Variants in BBS5 observed in about 807,000 individuals in gnomAD.
BBS5 encodes the protein Bardet-Biedl syndrome 5.
Under a neutral mutation model 50.2 loss-of-function variants are expected in BBS5, and 39 were observed. The observed-to-expected ratio is 0.78, with a 90% CI of 0.60 to 1.01. BBS5 has a LOEUF of 1.01. Among genes scored for constraint, BBS5 ranks in the 50% least tolerant of loss-of-function variants. The pLI, the probability that BBS5 is intolerant of heterozygous loss-of-function variation, is 0.00. For missense variants in BBS5, 356 were observed against 401.5 expected, an observed-to-expected ratio of 0.89 and a Z score of 0.97; for synonymous variants, 134 against 133.1, an observed-to-expected ratio of 1.01 and a Z score of -0.05.
intron 10 of BBS5, 51 bp downstream of exon 10, chr2:169,503,229 CTTGT>C (rs749899727): frequency 2.1e-6 from 3 of 1,416,722 alleles, no homozygotes; most frequent in African/African-American, 2.8e-5. Context: ...TTATCTCAGT[CTTGT>C]TTAATAAAAT....
chr2:169,498,758 G>A (rs1308214406), intron 8 of BBS5, among the ~76,000 whole-genome samples: 1 of 147,936 alleles, frequency 6.8e-6, no homozygotes, highest in Admixed American at 6.8e-5. Context: ...AGTGAGCCGA[G>A]ATCGCGCCGC....
At chr2:169,483,035 T>A (rs1683427871) in intron 2 of BBS5, among the ~76,000 whole-genome samples, 1 of 152,180 alleles carries the variant, frequency 6.6e-6, no homozygotes. Flanking sequence ...AGAATATGTT[T>A]TAGTGGGAGA....
At chr2:169,495,691 T>C (rs1189376459) in intron 7 of BBS5, among the ~76,000 whole-genome samples, 1 of 152,232 alleles carries the variant, frequency 6.6e-6, no homozygotes. Context: ...GGTCTCACTC[T>C]GTCACCCAGG....
At chr2:169,479,763 T>C (rs2105290159) in intron 1 of BBS5, 151 bp downstream of exon 1, 1 of 883,896 alleles carries the variant, frequency 1.1e-6, no homozygotes, top group Non-Finnish European at 1.8e-6. Flanking sequence ...TCGAGAGACC[T>C]CAGGCTGGTT....
rs1190326094 is a variant in BBS5 at position 169,482,405 on chromosome 2, ATAT to A, written c.142+73_142+75del. ...AATGTTGAATCATATTAGCTAGAGA[ATAT>A]ATGAAACAGCATCATTTGTCAGTGT... On this transcript the variant is annotated intron_variant, in intron 2 of 11. Coordinates refer to ENST00000295240, the MANE Select transcript of BBS5 (RefSeq NM_152384.3). The A allele has an allele frequency of 3.0e-5, 30 of 987,700 alleles. No individual in the cohort carries two copies. In the East Asian group the frequency reaches 6.9e-4, roughly 23 times the overall value. 61.2% of individuals were successfully genotyped at this position (987,700 alleles called of 1,614,324 possible).
Position 169,498,821 on chromosome 2 carries a change from A to G in BBS5, c.682-665A>G, listed in dbSNP as rs184056760. On this transcript the variant is annotated intron_variant, in intron 8 of 11. Transcript: ENST00000295240. ...GACTCTGTCTCAAAAAAAAAAAAAAAAAAGAAAGGAAGGTTAAGGAAAGTT... is the reference window on the plus strand; with the variant it reads ...GACTCTGTCTCAAAAAAAAAAAAAAGAAAGAAAGGAAGGTTAAGGAAAGTT... Among the ~76,000 whole-genome samples the G allele has an allele frequency of 7.3e-3, 1,113 of 151,528 alleles. 15 individuals are homozygous for G. Among genetic ancestry groups the G allele is most frequent in the Non-Finnish European group, 8.6e-3 (585 of 67,790 alleles).
chr2:169,487,426 CT>C (rs1432395682), intron 3 of BBS5, among the ~76,000 whole-genome samples: 6 of 152,012 alleles, frequency 3.9e-5, no homozygotes, highest in African/African-American at 1.4e-4. Flanking sequence ...GGAAGAAGCT[CT>C]AATAAAAGTA....
rs373316815 is a variant in BBS5, at chr2:169,481,924, C to T, written c.60-327C>T. Among the ~76,000 whole-genome samples the T allele has an allele frequency of 6.2e-4, 94 of 152,296 alleles. No homozygotes were observed. The Middle Eastern group carries it at 0.01, about 17-fold the overall frequency. On this transcript the variant is annotated intron_variant, in intron 1 of 11. Transcript: ENST00000295240. ...CTACCTCCCAATATGGTCCTTCTTT[C>T]CAAGCTTGGCCAGCCTTCTCCCATG...
intron 10 of BBS5, among the ~76,000 whole-genome samples, chr2:169,503,737 A>G (rs1417897482): frequency 6.6e-6 from 1 of 152,214 alleles, no homozygotes; most frequent in East Asian, 1.9e-4. Flanking sequence ...AATTGGTATC[A>G]TTTAACTTAT....
Position 169,503,094 on chromosome 2 carries a change from G to T in BBS5, c.817-1G>T, listed in dbSNP as rs1466289570. The T allele has an allele frequency of 1.6e-5, 26 of 1,612,074 alleles. No homozygotes were observed. Among genetic ancestry groups the T allele is most frequent in the Non-Finnish European group, 2.0e-5 (23 of 1,178,434 alleles). On this transcript the variant is annotated splice_acceptor_variant, in intron 9 of 11. Coordinates refer to ENST00000295240, the MANE Select transcript of BBS5 (RefSeq NM_152384.3). LOFTEE classifies it high-confidence loss of function. ...GCATTTTAACATCTGCTGATTTTCA[G>T]CCCCAGCCGCTCGAAGCTCTGACAG... is the stretch of plus-strand genomic sequence containing the variant.
chr2:169,492,682 C>T (rs948074766), intron 5 of BBS5, among the ~76,000 whole-genome samples, 192 bp from the exon 6 acceptor site: 4 of 151,878 alleles, frequency 2.6e-5, no homozygotes, highest in African/African-American at 7.3e-5. Flanking sequence ...AGTTTGTGTC[C>T]GGCTTGGGCA....
intron 5 of BBS5, among the ~76,000 whole-genome samples, chr2:169,492,539 A>T (rs986655692): frequency 4.6e-5 from 7 of 152,070 alleles, no homozygotes; most frequent in African/African-American, 1.7e-4. Context: ...ATAATACACT[A>T]AAATGACAAA....
intron 5 of BBS5, among the ~76,000 whole-genome samples, chr2:169,489,169 G>GT (rs1683540570): frequency 6.6e-6 from 1 of 152,008 alleles, no homozygotes; most frequent in Non-Finnish European, 1.5e-5. Flanking sequence ...TTTTTAAAAT[G>GT]TTTTTGTAGA....
intron 3 of BBS5, 150 bp downstream of exon 3, chr2:169,487,284 A>G: frequency 1.6e-6 from 1 of 635,790 alleles, no homozygotes; most frequent in South Asian, 1.9e-5. Context: ...AAACAAAATT[A>G]TCCATTATTA....
Position 169,479,516 on chromosome 2 carries a change from A to G in BBS5, c.-38A>G, listed in dbSNP as rs1275300065. 5.0e-6 allele frequency: 8 copies of G among 1,613,056 alleles called. No homozygotes were observed. Among genetic ancestry groups the G allele is most frequent in the Middle Eastern group, 3.3e-4 (2 of 6,080 alleles). On this transcript the variant is annotated 5_prime_UTR_variant, in exon 1 of 12. Transcript: ENST00000295240. The stretch of plus-strand genomic sequence containing the variant: ...GCCAGAGAGACGCAGCTAGGCCTGC[A>G]CGGCTGTGGAGAGATCCTGCCACGG...
intron 5 of BBS5, among the ~76,000 whole-genome samples, chr2:169,490,894 C>G (rs1683584873): frequency 6.6e-6 from 1 of 152,168 alleles, no homozygotes; most frequent in Non-Finnish European, 1.5e-5. Flanking sequence ...ATTTTATTTA[C>G]ATGGAATCAT....
chr2:169,496,536 C>T lies in BBS5; in HGVS notation c.619-1091C>T, dbSNP rs1370484465. 3.3e-5 allele frequency among the ~76,000 whole-genome samples: 5 copies of T among 151,714 alleles called. No individual in the cohort carries two copies. The East Asian group carries it at 9.7e-4, about 29-fold the overall frequency. ...GGATCACAAGGTCAGGAGATCCAGA[C>T]CATCCTGACTAACACAGTGAAACCC... On this transcript the variant is annotated intron_variant, in intron 7 of 11. Coordinates refer to ENST00000295240, the MANE Select transcript of BBS5 (RefSeq NM_152384.3).
intron 7 of BBS5, among the ~76,000 whole-genome samples, chr2:169,494,442 C>A (rs989015521): frequency 6.6e-6 from 1 of 151,902 alleles, no homozygotes; most frequent in African/African-American, 2.4e-5. Flanking sequence ...TCAGGCTGGG[C>A]ATGGTGGCTT....
At chr2:169,499,250 A>C (rs771052156) in intron 8 of BBS5, 1 of 478,080 alleles carries the variant, frequency 2.1e-6, no homozygotes, top group Non-Finnish European at 3.8e-6. Flanking sequence ...CAGATGAAAC[A>C]GGGTTGTCCA....
Sources: gnomAD v4.1 joint callset for allele counts (sites outside exome capture counted in the v4.1 genomes callset) on GRCh38, gnomAD v4.1.1 for gene constraint, MANE v1.5 for transcripts, NCBI Gene and HGNC (gene_info 2026-07-23, HGNC 2026-07-21) for gene names.